Variants in ACTN1 observed in about 807,000 individuals in gnomAD.
ACTN1 encodes the protein actinin alpha 1, also known as alpha-actinin-1.
A neutral mutation model predicts 119.6 loss-of-function variants in ACTN1; 30 were observed. The ratio of observed to expected loss-of-function variants is 0.25; its 90% CI spans 0.19 to 0.34. The LOEUF is 0.34. ACTN1 is among the 10% of genes least tolerant of loss of function. ACTN1 has a pLI of 1.00. For synonymous variants in ACTN1, 429 were observed against 472.6 expected (o/e 0.91, Z 1.20); for missense variants, 764 against 1,223.4 (o/e 0.62, Z 5.60).
chr14:68,931,789 C>T (rs1469914852), intron 1 of ACTN1, among the ~76,000 whole-genome samples: 1 of 152,150 alleles, frequency 6.6e-6, no homozygotes, highest in Non-Finnish European at 1.5e-5. Context: ...GAATGAAGGA[C>T]AGAAAGTTTC....
intron 8 of ACTN1, among the ~76,000 whole-genome samples, chr14:68,896,559 G>A (rs1007702258): frequency 7.9e-5 from 12 of 152,162 alleles, no homozygotes; most frequent in Non-Finnish European, 1.6e-4. Context: ...TAGGAGAGAG[G>A]CACCCAGAAC....
intron 1 of ACTN1, among the ~76,000 whole-genome samples, chr14:68,927,487 G>C (rs748398360): frequency 4.6e-5 from 7 of 152,218 alleles, no homozygotes; most frequent in Non-Finnish European, 8.8e-5. Context: ...TCTAGTGGAC[G>C]TAAGAATTGG....
intron 1 of ACTN1, chr14:68,936,863 G>A (rs760955525): frequency 1.9e-4 from 109 of 584,662 alleles, no homozygotes; most frequent in Non-Finnish European, 2.9e-4. Flanking sequence ...ACAACTTCTT[G>A]TGATGCTCTC....
Position 68,979,164 on chromosome 14 carries a change from C to T in ACTN1, c.-108G>A, listed in dbSNP as rs1393084148. The T allele has an allele frequency of 5.1e-6, 2 of 393,772 alleles. No individual in the cohort carries two copies. Among genetic ancestry groups the T allele is most frequent in the South Asian group, 4.3e-5 (1 of 23,412 alleles). The allele number at this position is 393,772 out of a possible 1,614,324, so 24.4% of individuals were successfully genotyped here. The stretch of plus-strand genomic sequence containing the variant: ...GTAGGGCTGGGCTGGGCTGGGCTGG[C>T]GGGGCCGGGCTCGCTCCCCTGCGCC... On this transcript the variant is annotated 5_prime_UTR_variant, in exon 1 of 22. Coordinates refer to ENST00000394419, the MANE Select transcript of ACTN1 (RefSeq NM_001130004.2).
intron 8 of ACTN1, among the ~76,000 whole-genome samples, chr14:68,897,386 A>G (rs868693345): frequency 2.0e-5 from 3 of 152,148 alleles, no homozygotes; most frequent in Non-Finnish European, 4.4e-5. Flanking sequence ...AAAAGATATG[A>G]ACTATTATTA....
At chr14:68,881,530 G>A (rs1027645067) in intron 16 of ACTN1, among the ~76,000 whole-genome samples, 2 of 152,178 alleles carry the variant, frequency 1.3e-5, no homozygotes, top group Non-Finnish European at 2.9e-5. Flanking sequence ...ACCATTGTTT[G>A]TGAAAGCACT....
intron 21 of ACTN1, chr14:68,875,274 G>A: frequency 1.1e-6 from 1 of 924,398 alleles, no homozygotes; most frequent in East Asian, 2.7e-5. Context: ...CTAATTCCAT[G>A]TGCCAATTAC....
At chr14:68,950,134 A>G (rs1192702304) in intron 1 of ACTN1, among the ~76,000 whole-genome samples, 2 of 152,038 alleles carry the variant, frequency 1.3e-5, no homozygotes, top group East Asian at 1.9e-4. Context: ...TTTCTACTGA[A>G]AATACAAAAA....
At chr14:68,970,004 C>T (rs986338752) in intron 1 of ACTN1, among the ~76,000 whole-genome samples, 1 of 152,102 alleles carries the variant, frequency 6.6e-6, no homozygotes, top group East Asian at 1.9e-4. Context: ...TGCTGTCTCA[C>T]TCCCATCAAT....
chr14:68,890,647 A>G (rs2032405622), intron 10 of ACTN1, among the ~76,000 whole-genome samples: 1 of 152,092 alleles, frequency 6.6e-6, no homozygotes. Flanking sequence ...GCTAAGGCAA[A>G]GGGCCCCCGA....
At position 68,878,553 on chromosome 14, in the gene ACTN1, G is replaced by A. The variant is rs1295345644; in HGVS notation, c.2362-30C>T. ...GGGGGGCAGTGGTACCAAGACACAA[G>A]GAGGGTCGGGAAGGCAGGAAGAGGA... On this transcript the variant is annotated intron_variant, in intron 19 of 21. Transcript: ENST00000394419. The surrounding 1 kb of genome is among the most constrained non-coding windows in gnomAD (Gnocchi z 4.4). 1.9e-6 allele frequency: 3 copies of A among 1,612,400 alleles called. No individual in the cohort carries two copies. The highest frequency in any genetic ancestry group is 1.7e-6 in the Non-Finnish European group (2 of 1,179,236).
In ACTN1 at chr14:68,880,276, C is replaced by T. The variant is rs997123087; in HGVS notation, c.2134-168G>A. ...GGGGAACCAGGACAAGGACAACCTA[C>T]TAGGACAAGGACCCTAGATGACCAA... On this transcript the variant is annotated intron_variant, in intron 17 of 21. Transcript: ENST00000394419. The surrounding 1 kb of genome is among the most constrained non-coding windows in gnomAD (Gnocchi z 4.6). Among the ~76,000 whole-genome samples, 3 of 152,198 alleles carry T rather than the reference C, an allele frequency of 2.0e-5. No individual in the cohort carries two copies. The highest frequency in any genetic ancestry group is 2.9e-5 in the Non-Finnish European group (2 of 68,038).
intron 1 of ACTN1, among the ~76,000 whole-genome samples, chr14:68,939,105 A>G (rs1024047742): frequency 6.6e-6 from 1 of 152,196 alleles, no homozygotes; most frequent in African/African-American, 2.4e-5. Flanking sequence ...CCTCCCTGCC[A>G]TCCAAGGCCC....
chr14:68,881,739 A>C (rs898360834), intron 16 of ACTN1, among the ~76,000 whole-genome samples: 1 of 151,878 alleles, frequency 6.6e-6, no homozygotes, highest in African/African-American at 2.4e-5. Context: ...TACCCCACAC[A>C]ATTCAGAAAA....
chr14:68,895,496 C>A (rs2032807178), intron 8 of ACTN1, among the ~76,000 whole-genome samples: 1 of 152,126 alleles, frequency 6.6e-6, no homozygotes, highest in Non-Finnish European at 1.5e-5. Context: ...GAGCAGCTTG[C>A]CGGAAGCCCC....
intron 1 of ACTN1, among the ~76,000 whole-genome samples, chr14:68,926,831 C>T (rs557154382): frequency 5.0e-4 from 76 of 152,318 alleles, no homozygotes; most frequent in African/African-American, 1.6e-3. Flanking sequence ...GAGGGAAGAA[C>T]ATCACACCAG....
intron 1 of ACTN1, among the ~76,000 whole-genome samples, chr14:68,959,429 T>C (rs2036454898): frequency 6.6e-6 from 1 of 152,230 alleles, no homozygotes; most frequent in Non-Finnish European, 1.5e-5. Context: ...ATGGTAAAAC[T>C]CAGCTTTTAG....
In ACTN1 at chr14:68,910,941, G is replaced by A. The variant is rs138069197; in HGVS notation, c.428-899C>T. ...ACTGTGAGGCCTCCCCAGCCATGTG[G>A]AACTGTGAGTCCATTAAACCTCTTT... On this transcript the variant is annotated intron_variant, in intron 4 of 21. Coordinates refer to ENST00000394419, the MANE Select transcript of ACTN1 (RefSeq NM_001130004.2). Among the ~76,000 whole-genome samples, 340 of 152,266 alleles carry A rather than the reference G, an allele frequency of 2.2e-3. 7 individuals carry two copies. The highest frequency in any genetic ancestry group is 5.8e-3 in the East Asian group (30 of 5,194).
intron 1 of ACTN1, among the ~76,000 whole-genome samples, chr14:68,931,818 A>C (rs886145080): frequency 1.3e-5 from 2 of 152,196 alleles, no homozygotes; most frequent in Admixed American, 6.5e-5. Context: ...TTAGAGTTCA[A>C]CATAATAAAG....
Sources: gnomAD v4.1 joint callset for allele counts (sites outside exome capture counted in the v4.1 genomes callset) on GRCh38, gnomAD v4.1.1 for gene constraint, Gnocchi (gnomAD v3.1) non-coding constraint, MANE v1.5 for transcripts, NCBI Gene and HGNC (gene_info 2026-07-23, HGNC 2026-07-21) for gene names.